The following ATAD1 variants were observed in gnomAD, a reference collection of about 807,000 sequenced individuals.
ATAD1 encodes the protein ATPase family AAA domain containing 1, also known as outer mitochondrial transmembrane helix translocase.
A neutral mutation model predicts 42.7 loss-of-function variants in ATAD1; 18 were observed. That is an observed-to-expected ratio of 0.42 (90% CI 0.29 to 0.63). The LOEUF is 0.63. Among genes scored for constraint, ATAD1 ranks in the 20% least tolerant of loss-of-function variants. The pLI is 0.19. For missense variants in ATAD1, 294 were observed against 440.4 expected (o/e 0.67, Z 2.98); for synonymous variants, 132 against 143.1 (o/e 0.92, Z 0.55).
chr10:87,818,045 G>A, intron 1 of ATAD1, 122 bp downstream of exon 1: 1 of 985,732 alleles, frequency 1.0e-6, no homozygotes, highest in Non-Finnish European at 1.2e-6. Context: ...ACTGAGGTAG[G>A]GCGTGGGAGA....
intron 8 of ATAD1, among the ~76,000 whole-genome samples, chr10:87,766,174 A>G (rs1854738532): frequency 6.6e-6 from 1 of 152,216 alleles, no homozygotes; most frequent in South Asian, 2.1e-4. Context: ...ATATGAGTAA[A>G]CCGTAACAAT....
chr10:87,794,444 G>C (rs1295553929), intron 2 of ATAD1, among the ~76,000 whole-genome samples: 1 of 152,126 alleles, frequency 6.6e-6, no homozygotes, highest in African/African-American at 2.4e-5. Flanking sequence ...TTTTCATTAT[G>C]CTACAGTAAA....
intron 3 of ATAD1, among the ~76,000 whole-genome samples, chr10:87,791,691 T>C (rs1303976343): frequency 6.6e-6 from 1 of 152,236 alleles, no homozygotes; most frequent in Non-Finnish European, 1.5e-5. Flanking sequence ...TCTACTTATT[T>C]ATAGCAATAT....
At position 87,773,061 on chromosome 10, in the gene ATAD1, G is replaced by A. The variant is rs118188220; in HGVS notation, c.691-2020C>T. On this transcript the variant is annotated intron_variant, in intron 6 of 9. Transcript: ENST00000680024. ...AGGAAAAATAACTAATGGATACTAG[G>A]CTTAATACCTGGGTATGAAATAATC... 8.9e-3 allele frequency among the ~76,000 whole-genome samples: 1,361 copies of A among 152,080 alleles called. 13 individuals are homozygous for A. The highest frequency in any genetic ancestry group is 0.013 in the Non-Finnish European group (877 of 67,990).
rs964422155 is a variant in ATAD1, at chr10:87,790,120, G to A, written c.382+190C>T. Among the ~76,000 whole-genome samples, 3 of 152,164 alleles carry A rather than the reference G, an allele frequency of 2.0e-5. No individual in the cohort carries two copies. In the East Asian group the frequency reaches 5.8e-4, roughly 29 times the overall value. On this transcript the variant is annotated intron_variant, in intron 4 of 9. Coordinates refer to ENST00000680024, the MANE Select transcript of ATAD1 (RefSeq NM_001321967.2). Reference sequence around the variant, plus strand: ...ATTATTTTAACAAGTATTTTAACATGTAAATACAGGAAAAAGTTTATCTCA... The same window carrying A: ...ATTATTTTAACAAGTATTTTAACATATAAATACAGGAAAAAGTTTATCTCA...
At chr10:87,805,077 C>T (rs1170569491) in intron 2 of ATAD1, among the ~76,000 whole-genome samples, 1 of 152,130 alleles carries the variant, frequency 6.6e-6, no homozygotes, top group African/African-American at 2.4e-5. Context: ...ATCTCAAAAC[C>T]GTATTGCCTT....
At chr10:87,830,287 T>G (rs1857805144) in intron 1 of ATAD1, among the ~76,000 whole-genome samples, 1 of 152,234 alleles carries the variant, frequency 6.6e-6, no homozygotes, top group Non-Finnish European at 1.5e-5. Context: ...TTTCAGAATA[T>G]GAGCTCATGA....
intron 2 of ATAD1, among the ~76,000 whole-genome samples, chr10:87,796,358 GA>G (rs898934084): frequency 9.2e-5 from 14 of 152,320 alleles, no homozygotes; most frequent in African/African-American, 2.9e-4. Context: ...GGCTCACTGG[GA>G]TAAATGTATA....
At chr10:87,762,255 G>A (rs1037444862) in intron 8 of ATAD1, among the ~76,000 whole-genome samples, 3 of 152,086 alleles carry the variant, frequency 2.0e-5, no homozygotes, top group African/African-American at 7.2e-5. Context: ...CATTAAAATG[G>A]TTTAAATTAA....
At chr10:87,766,108 T>A (rs1361274811) in intron 8 of ATAD1, among the ~76,000 whole-genome samples, 2 of 151,976 alleles carry the variant, frequency 1.3e-5, no homozygotes, top group African/African-American at 4.8e-5. Context: ...TGGCACGAAG[T>A]TCCATAACAT....
chr10:87,796,408 A>G (rs1856390164), intron 2 of ATAD1, among the ~76,000 whole-genome samples: 3 of 152,240 alleles, frequency 2.0e-5, no homozygotes, highest in Admixed American at 6.5e-5. Context: ...AAGAAATTCA[A>G]AAGAATGCAA....
intron 2 of ATAD1, among the ~76,000 whole-genome samples, chr10:87,801,086 C>T (rs1856669995): frequency 6.6e-6 from 1 of 152,112 alleles, no homozygotes; most frequent in Admixed American, 6.6e-5. Context: ...ATCTTATGGT[C>T]AAGATTAAAA....
At chr10:87,806,196 G>A (rs7898915) in intron 2 of ATAD1, among the ~76,000 whole-genome samples, 62,181 of 151,786 alleles carry the variant, frequency 0.41, 13,634 homozygotes, top group African/African-American at 0.57. Flanking sequence ...AGTACTCTGT[G>A]TACTTCAGAT....
intron 4 of ATAD1, among the ~76,000 whole-genome samples, chr10:87,789,745 AG>A (rs1033007540): frequency 6.6e-6 from 1 of 152,108 alleles, no homozygotes; most frequent in Non-Finnish European, 1.5e-5. Context: ...AAGAGAGAAA[AG>A]AAAAAAAAAG....
At chr10:87,759,833 A>G in intron 8 of ATAD1, 1 of 451,246 alleles carries the variant, frequency 2.2e-6, no homozygotes, top group Middle Eastern at 3.3e-4. Context: ...ATGAGGATTA[A>G]ATAAAACAAT....
intron 1 of ATAD1, among the ~76,000 whole-genome samples, chr10:87,829,091 C>T (rs775331153): frequency 2.6e-5 from 4 of 152,082 alleles, no homozygotes; most frequent in Non-Finnish European, 5.9e-5. Context: ...GTCCATGGAT[C>T]AAAGAGTAAC....
In ATAD1 at chr10:87,790,289, G is replaced by C. The variant is rs3736057; in HGVS notation, c.382+21C>G. 515 of 1,598,264 alleles carry C rather than the reference G, an allele frequency of 3.2e-4. 4 individuals are homozygous for C. The East Asian group carries it at 0.011, about 34-fold the overall frequency. On this transcript the variant is annotated intron_variant, in intron 4 of 9. Coordinates refer to ENST00000680024, the MANE Select transcript of ATAD1 (RefSeq NM_001321967.2). ...TTTCTAGGATTTTAATGCTTTAGGCGAATATATACCTTTACCATACCTTTT... is the reference window on the plus strand; with the variant it reads ...TTTCTAGGATTTTAATGCTTTAGGCCAATATATACCTTTACCATACCTTTT...
chr10:87,785,729 T>TAA (rs140795862), intron 4 of ATAD1, among the ~76,000 whole-genome samples: 1 of 145,340 alleles, frequency 6.9e-6, no homozygotes, highest in Non-Finnish European at 1.5e-5. Flanking sequence ...TATCTCAATT[T>TAA]AAAAAAAAAA....
At chr10:87,766,455 C>T (rs1228505673) in intron 8 of ATAD1, among the ~76,000 whole-genome samples, 1 of 151,786 alleles carries the variant, frequency 6.6e-6, no homozygotes, top group East Asian at 1.9e-4. Flanking sequence ...AAACTAGATG[C>T]TAATATGGAA....
Sources: gnomAD v4.1 joint callset for allele counts (sites outside exome capture counted in the v4.1 genomes callset) on GRCh38, gnomAD v4.1.1 for gene constraint, MANE v1.5 for transcripts, NCBI Gene and HGNC (gene_info 2026-07-23, HGNC 2026-07-21) for gene names.